The following PARN variants were observed in gnomAD, a reference collection of about 807,000 sequenced individuals.
The protein encoded by PARN is poly(A)-specific ribonuclease, also known as poly(A)-specific ribonuclease PARN.
Under a neutral mutation model 102.8 loss-of-function variants are expected in PARN, and 71 were observed. The observed-to-expected ratio is 0.69, with a 90% CI of 0.57 to 0.84. PARN has a LOEUF of 0.84. Among genes scored for constraint, PARN ranks in the 40% least tolerant of loss-of-function variants. The pLI, the probability that PARN is intolerant of heterozygous loss-of-function variation, is 0.00. For missense variants in PARN, 782 were observed against 760.9 expected (o/e 1.03, Z -0.33); for synonymous variants, 261 against 252.9 (o/e 1.03, Z -0.30).
At chr16:14,553,917 T>C in intron 20 of PARN, 148 bp downstream of exon 20, 1 of 623,360 alleles carries the variant, frequency 1.6e-6, no homozygotes, top group Non-Finnish European at 2.8e-6. Flanking sequence ...GATAACAGTA[T>C]CCTAAACCAG....
chr16:14,606,129 G>A (rs939202275), intron 10 of PARN, among the ~76,000 whole-genome samples: 2 of 152,158 alleles, frequency 1.3e-5, no homozygotes, highest in South Asian at 2.1e-4. Flanking sequence ...GATTGAGCAT[G>A]GTAGCTCAGG....
At chr16:14,522,834 G>A (rs2151654846) in intron 21 of PARN, among the ~76,000 whole-genome samples, 1 of 152,252 alleles carries the variant, frequency 6.6e-6, no homozygotes, top group East Asian at 1.9e-4. Flanking sequence ...GGTCTGTAAA[G>A]AGAAATCTCA....
At chr16:14,531,205 C>G (rs767951393) in intron 21 of PARN, among the ~76,000 whole-genome samples, 1 of 152,030 alleles carries the variant, frequency 6.6e-6, no homozygotes, top group African/African-American at 2.4e-5. Flanking sequence ...ATTAGCCAGG[C>G]GTTGTGGTTA....
intron 5 of PARN, among the ~76,000 whole-genome samples, chr16:14,619,542 G>A (rs1283251332): frequency 6.6e-6 from 1 of 151,816 alleles, no homozygotes; most frequent in East Asian, 1.9e-4. Context: ...TGGGAGGATC[G>A]CTTGAGCCCA....
intron 22 of PARN, among the ~76,000 whole-genome samples, chr16:14,467,682 ATACTCC>A (rs1433959055): frequency 6.6e-6 from 1 of 152,344 alleles, no homozygotes; most frequent in East Asian, 1.9e-4. Flanking sequence ...AGGCATGTAC[ATACTCC>A]TACCTTCAGG....
At position 14,547,933 on chromosome 16, in the gene PARN, A is replaced by G. The variant is rs375408462; in HGVS notation, c.1480+4088T>C. ...GCGCTCTGTTTCCACTGAAATGAAT[A>G]AGTAATTTGTTTAAGATAACATTAA... On this transcript the variant is annotated intron_variant, in intron 21 of 23. Coordinates refer to ENST00000437198, the MANE Select transcript of PARN (RefSeq NM_002582.4). 7.9e-5 allele frequency among the ~76,000 whole-genome samples: 12 copies of G among 151,968 alleles called. No homozygotes were observed. In the East Asian group the frequency reaches 2.3e-3, roughly 29 times the overall value.
At chr16:14,488,764 G>A (rs1023208348) in intron 21 of PARN, among the ~76,000 whole-genome samples, 2 of 151,972 alleles carry the variant, frequency 1.3e-5, no homozygotes, top group African/African-American at 4.8e-5. Flanking sequence ...GTGGTTGTAC[G>A]ACCATTTTGG....
intron 12 of PARN, among the ~76,000 whole-genome samples, chr16:14,595,790 C>T (rs1970471016): frequency 6.6e-6 from 1 of 152,060 alleles, no homozygotes; most frequent in African/African-American, 2.4e-5. Context: ...CTTGGCCTCT[C>T]AAAGTGCTGG....
At chr16:14,562,643 T>C (rs1455402729) in intron 18 of PARN, among the ~76,000 whole-genome samples, 1 of 148,916 alleles carries the variant, frequency 6.7e-6, no homozygotes, top group African/African-American at 2.5e-5. Flanking sequence ...TGTTTTTAAG[T>C]AGATTTAAAA....
At chr16:14,519,323 G>A (rs1335134825) in intron 21 of PARN, among the ~76,000 whole-genome samples, 2 of 109,536 alleles carry the variant, frequency 1.8e-5, no homozygotes, top group African/African-American at 3.4e-5. Context: ...GGGGAGGGGA[G>A]GGGACGTGAG....
intron 21 of PARN, among the ~76,000 whole-genome samples, chr16:14,489,095 A>G (rs1963904913): frequency 6.6e-6 from 1 of 152,192 alleles, no homozygotes; most frequent in Non-Finnish European, 1.5e-5. Flanking sequence ...ACACACATAC[A>G]TACACACATG....
rs374439313 is a variant in PARN, at chr16:14,521,870, TG to T, written c.1480+30150del. 2.1e-3 allele frequency among the ~76,000 whole-genome samples: 315 copies of T among 152,220 alleles called. 1 individual carries two copies. The highest frequency in any genetic ancestry group is 7.3e-3 in the African/African-American group (301 of 41,514). On this transcript the variant is annotated intron_variant, in intron 21 of 23. Coordinates refer to ENST00000437198, the MANE Select transcript of PARN (RefSeq NM_002582.4). ...AGTCAACAGTGGACCCCCTTATACA[TG>T]GTGGTCCCATAAGATTATGATACTG...
intron 18 of PARN, among the ~76,000 whole-genome samples, chr16:14,561,821 C>T (rs558266661): frequency 2.0e-5 from 3 of 152,270 alleles, no homozygotes; most frequent in Non-Finnish European, 4.4e-5. Context: ...AATAAATAAA[C>T]AATTAAATGA....
intron 5 of PARN, 110 bp from the exon 6 acceptor site, chr16:14,617,760 C>A: frequency 1.4e-6 from 1 of 719,026 alleles, no homozygotes; most frequent in Non-Finnish European, 2.5e-6. Flanking sequence ...GGGAAGGAAG[C>A]GATGTGCCAG....
chr16:14,573,632 T>A (rs1447258133), intron 18 of PARN, among the ~76,000 whole-genome samples: 4 of 152,212 alleles, frequency 2.6e-5, no homozygotes, highest in African/African-American at 9.7e-5. Context: ...GAATTGTAAC[T>A]CTCACAATTC....
At chr16:14,526,752 C>T (rs1272931325) in intron 21 of PARN, among the ~76,000 whole-genome samples, 3 of 152,176 alleles carry the variant, frequency 2.0e-5, no homozygotes, top group Admixed American at 6.5e-5. Context: ...CTCCATTTGC[C>T]TAACTATCCA....
At chr16:14,494,671 G>A (rs769735958) in intron 21 of PARN, among the ~76,000 whole-genome samples, 13 of 152,342 alleles carry the variant, frequency 8.5e-5, no homozygotes, top group Admixed American at 1.3e-4. Context: ...GCAGAGGAGC[G>A]CCACACTGAG....
At chr16:14,587,158 TAC>T in intron 13 of PARN, among the ~76,000 whole-genome samples, 1 of 152,306 alleles carries the variant, frequency 6.6e-6, no homozygotes, top group East Asian at 1.9e-4. Flanking sequence ...AGCCTGTAAA[TAC>T]AGACTGTATT....
At chr16:14,600,405 T>C (rs535587295) in intron 11 of PARN, among the ~76,000 whole-genome samples, 2 of 152,276 alleles carry the variant, frequency 1.3e-5, no homozygotes, top group South Asian at 4.2e-4. Flanking sequence ...GAAAAATACA[T>C]TTTTACAAAA....
Sources: allele counts gnomAD v4.1 joint callset (sites outside exome capture counted in the v4.1 genomes callset), GRCh38; gene constraint gnomAD v4.1.1; transcripts MANE v1.5; gene names NCBI Gene and HGNC (gene_info 2026-07-23, HGNC 2026-07-21).